ANKIB1: variants seen among roughly 807,000 people sequenced by gnomAD.
ANKIB1 encodes ankyrin repeat and IBR domain containing 1.
ANKIB1 carries 43 observed loss-of-function variants against 122.1 expected under a neutral mutation model. The ratio of observed to expected loss-of-function variants is 0.35; its 90% CI spans 0.28 to 0.45. ANKIB1 has a LOEUF of 0.45. ANKIB1 is among the 20% of genes least tolerant of loss of function. The probability of loss-of-function intolerance (pLI) is 1.00; values close to 1 mark genes in which losing one functional copy is unlikely to be tolerated. For synonymous variants in ANKIB1, 390 were observed against 442.0 expected, an observed-to-expected ratio of 0.88 and a Z score of 1.48; for missense variants, 992 against 1,329.5, an observed-to-expected ratio of 0.75 and a Z score of 3.95.
At chr7:92,368,917 C>T (rs1028674894) in intron 10 of ANKIB1, among the ~76,000 whole-genome samples, 4 of 152,140 alleles carry the variant, frequency 2.6e-5, no homozygotes, top group African/African-American at 7.2e-5. Context: ...GAAGAAAAAA[C>T]TGTTATGTTG....
intron 9 of ANKIB1, among the ~76,000 whole-genome samples, chr7:92,359,660 G>A (rs939393575): frequency 1.3e-5 from 2 of 152,146 alleles, no homozygotes; most frequent in Non-Finnish European, 2.9e-5. Context: ...CTTCCACAAT[G>A]GTTGAACTAA....
chr7:92,378,607 T>G (rs1035177399), intron 11 of ANKIB1, among the ~76,000 whole-genome samples: 1 of 151,936 alleles, frequency 6.6e-6, no homozygotes, highest in Non-Finnish European at 1.5e-5. Flanking sequence ...ATGAGGAAAC[T>G]AGAGTCACTC....
chr7:92,297,327 A>G (rs1802375453), intron 2 of ANKIB1, among the ~76,000 whole-genome samples: 1 of 152,242 alleles, frequency 6.6e-6, no homozygotes, highest in South Asian at 2.1e-4. Flanking sequence ...GTCACTTATT[A>G]GCAAAGCAAA....
intron 7 of ANKIB1, among the ~76,000 whole-genome samples, chr7:92,349,715 C>T (rs751393382): frequency 6.6e-6 from 1 of 152,040 alleles, no homozygotes; most frequent in Non-Finnish European, 1.5e-5. Context: ...CTATGTCATG[C>T]ACCATGTAGA....
chr7:92,305,200 T>C (rs1802534059), intron 2 of ANKIB1, among the ~76,000 whole-genome samples: 1 of 152,180 alleles, frequency 6.6e-6, no homozygotes, highest in African/African-American at 2.4e-5. Flanking sequence ...AGTCAAAGGA[T>C]GTAAATCATA....
chr7:92,264,574 C>CA (rs1554333930), intron 1 of ANKIB1, among the ~76,000 whole-genome samples: 27 of 148,668 alleles, frequency 1.8e-4, no homozygotes, highest in Admixed American at 1.7e-3. Context: ...ATTTTTTTTT[C>CA]TTTTTTTTTG....
intron 1 of ANKIB1, among the ~76,000 whole-genome samples, chr7:92,254,344 T>C (rs990710312): frequency 6.6e-6 from 1 of 152,256 alleles, no homozygotes; most frequent in East Asian, 1.9e-4. Flanking sequence ...AGTATTCTAT[T>C]ATGAATAATA....
In ANKIB1 at chr7:92,292,923, A is replaced by G. The variant is rs200064464; in HGVS notation, c.-90-1966A>G. Among the ~76,000 whole-genome samples, 16 of 152,316 alleles carry G rather than the reference A, an allele frequency of 1.1e-4. No individual in the cohort carries two copies. The East Asian group carries it at 2.7e-3, about 26-fold the overall frequency. On this transcript the variant is annotated intron_variant, in intron 1 of 19. Transcript: ENST00000265742. ...TTTTAAATTCTTTCTCTTTGTTCATATATTCAAAAAGCTCTACTGTATGTA... is the reference window on the plus strand; with the variant it reads ...TTTTAAATTCTTTCTCTTTGTTCATGTATTCAAAAAGCTCTACTGTATGTA...
chr7:92,247,084 T>G (rs2131859973), intron 1 of ANKIB1, among the ~76,000 whole-genome samples: 1 of 152,312 alleles, frequency 6.6e-6, no homozygotes, highest in African/African-American at 2.4e-5. Flanking sequence ...TCGCAGGAAA[T>G]TGAAACTAGA....
At position 92,319,478 on chromosome 7, in the gene ANKIB1, T is replaced by TAGA. The variant is rs767687281; in HGVS notation, c.638_640dup (p.Glu213dup). ...TCACGGGATCCCGAGGCTGAAGAAA[T>TAGA]AGAAGCTGAATATGCTGCATTAGAC... On this transcript the variant is annotated inframe_insertion, in exon 4 of 20. Transcript: ENST00000265742. 3.1e-6 allele frequency: 5 copies of TAGA among 1,612,554 alleles called. No individual in the cohort carries two copies. Among genetic ancestry groups the TAGA allele is most frequent in the Non-Finnish European group, 3.4e-6 (4 of 1,179,458 alleles).
chr7:92,355,000 A>G (rs1309644934), intron 9 of ANKIB1, among the ~76,000 whole-genome samples: 1 of 152,206 alleles, frequency 6.6e-6, no homozygotes, highest in Non-Finnish European at 1.5e-5. Flanking sequence ...GTTGAGCCAT[A>G]CCCAGGAGAT....
At position 92,398,278 on chromosome 7, in the gene ANKIB1, T is replaced by C; in HGVS notation, c.2599T>C (p.Ser867Pro). ...LLAIQLSLQE[S>P]GLALDEETRD... The stretch of plus-strand genomic sequence containing the variant: ...TGCAATACAGTTATCACTGCAAGAG[T>C]CTGGGCTGGCCCTCGATGAAGAAAC... Residue 867 changes from serine to proline, a missense_variant, in exon 20 of 20, where the codon TCT becomes CCT. By Grantham distance (74) the Ser-to-Pro change is moderately conservative (BLOSUM62 -1). This residue lies in a region of ANKIB1 where 384 missense variants were observed against 412.0 expected (regional missense o/e 0.93). Transcript: ENST00000265742. The C allele has an allele frequency of 6.2e-7, 1 of 1,613,702 alleles. No individual in the cohort carries two copies. The highest frequency in any genetic ancestry group is 2.2e-5 in the East Asian group (1 of 44,858).
intron 1 of ANKIB1, among the ~76,000 whole-genome samples, chr7:92,248,833 A>G (rs1380028210): frequency 2.6e-5 from 4 of 151,120 alleles, no homozygotes; most frequent in Non-Finnish European, 4.4e-5. Context: ...TTTTTCAGAT[A>G]ACCTCAGACT....
chr7:92,361,725 G>A (rs767067385), intron 9 of ANKIB1, among the ~76,000 whole-genome samples: 52 of 151,492 alleles, frequency 3.4e-4, no homozygotes, highest in Non-Finnish European at 6.6e-4. Context: ...CTCATTTTTA[G>A]TGCCTCCATT....
chr7:92,249,249 G>A (rs1377437697), intron 1 of ANKIB1, among the ~76,000 whole-genome samples: 1 of 152,132 alleles, frequency 6.6e-6, no homozygotes, highest in Non-Finnish European at 1.5e-5. Flanking sequence ...TACTGTGTGT[G>A]CCAAGCACTT....
At chr7:92,259,219 G>C (rs1452420996) in intron 1 of ANKIB1, among the ~76,000 whole-genome samples, 2 of 152,150 alleles carry the variant, frequency 1.3e-5, no homozygotes, top group African/African-American at 4.8e-5. Context: ...GCCTTCCAAA[G>C]TGCTGGGATT....
chr7:92,279,601 C>T (rs1585085308), intron 1 of ANKIB1, among the ~76,000 whole-genome samples: 1 of 152,094 alleles, frequency 6.6e-6, no homozygotes, highest in Non-Finnish European at 1.5e-5. Flanking sequence ...TTCATTGAGC[C>T]TGTTCCTGCT....
chr7:92,267,168 A>G (rs1302846311), intron 1 of ANKIB1, among the ~76,000 whole-genome samples: 1 of 152,244 alleles, frequency 6.6e-6, no homozygotes, highest in Non-Finnish European at 1.5e-5. Flanking sequence ...GTTAAGGTGT[A>G]GTAGCTACGT....
intron 17 of ANKIB1, among the ~76,000 whole-genome samples, chr7:92,393,423 T>C (rs1804827125): frequency 6.6e-6 from 1 of 152,062 alleles, no homozygotes; most frequent in Non-Finnish European, 1.5e-5. Context: ...ATTTCAATGT[T>C]ATAATACATT....
Sources: allele counts gnomAD v4.1 joint callset (sites outside exome capture counted in the v4.1 genomes callset), GRCh38; gene constraint gnomAD v4.1.1; regional missense constraint gnomAD v4.1.1; transcripts MANE v1.5; gene names NCBI Gene and HGNC (gene_info 2026-07-23, HGNC 2026-07-21).